Variants in SPRR2G observed in about 807,000 individuals in gnomAD.
SPRR2G encodes the protein small proline rich protein 2G, also known as small proline-rich protein 2G.
SPRR2G carries 1 observed loss-of-function variant against 0.7 expected under a neutral mutation model. That is an observed-to-expected ratio of 1.49 (90% CI 0.53 to 7.06). The LOEUF is 7.06. Among genes scored for constraint, SPRR2G ranks in the 30% most tolerant of loss-of-function variants. The pLI, the probability that SPRR2G is intolerant of heterozygous loss-of-function variation, is 0.14. For missense variants in SPRR2G, 96 were observed against 88.5 expected (o/e 1.09, Z -0.34); for synonymous variants, 38 against 33.9 (o/e 1.12, Z -0.42).
the SPRR2G span, among the ~76,000 whole-genome samples, chr1:153,163,955 A>G: frequency 2.0e-5 from 3 of 152,202 alleles, no homozygotes; most frequent in Non-Finnish European, 2.9e-5. Flanking sequence ...GTCATCTAAA[A>G]TACCCTCATA....
At chr1:153,192,519 T>A in the SPRR2G span, among the ~76,000 whole-genome samples, 3 of 152,124 alleles carry the variant, frequency 2.0e-5, no homozygotes, top group Admixed American at 6.5e-5. Context: ...AATTTTATAG[T>A]AGGATTGGGA....
the SPRR2G span, among the ~76,000 whole-genome samples, chr1:153,195,235 A>G: frequency 1.3e-5 from 2 of 152,116 alleles, no homozygotes; most frequent in Non-Finnish European, 2.9e-5. Context: ...ACCCTCTCCA[A>G]TCTCTTTCTT....
At chr1:153,171,348 T>C in the SPRR2G span, among the ~76,000 whole-genome samples, 1 of 152,160 alleles carries the variant, frequency 6.6e-6, no homozygotes. Context: ...ATTGAGCTAA[T>C]GGATTGCATA....
the SPRR2G span, among the ~76,000 whole-genome samples, chr1:153,178,663 T>C: frequency 6.6e-6 from 1 of 152,128 alleles, no homozygotes; most frequent in Admixed American, 6.6e-5. Context: ...AATATATTGC[T>C]AGACTCAATT....
At chr1:153,169,360 T>C in the SPRR2G span, among the ~76,000 whole-genome samples, 3 of 152,028 alleles carry the variant, frequency 2.0e-5, no homozygotes, top group African/African-American at 7.3e-5. Flanking sequence ...GGTCAGGAGA[T>C]CAAGATCATC....
upstream of SPRR2G, among the ~76,000 whole-genome samples, chr1:153,152,985 G>T (rs1285252887): frequency 1.3e-5 from 2 of 152,096 alleles, no homozygotes; most frequent in African/African-American, 2.4e-5. Flanking sequence ...TATAGAGAGA[G>T]AAAATAGCTA....
chr1:153,200,540 C>T, the SPRR2G span, among the ~76,000 whole-genome samples: 43 of 152,138 alleles, frequency 2.8e-4, no homozygotes, highest in Non-Finnish European at 5.9e-4. Context: ...GTAGGTTTTG[C>T]ACTTGCAAAT....
chr1:153,186,538 C>A, the SPRR2G span, among the ~76,000 whole-genome samples: 1 of 151,796 alleles, frequency 6.6e-6, no homozygotes, highest in African/African-American at 2.4e-5. Context: ...AATTGCAATC[C>A]CTGCTCTTTT....
upstream of SPRR2G, among the ~76,000 whole-genome samples, chr1:153,152,790 C>G (rs376168375): frequency 2.0e-5 from 3 of 152,166 alleles, no homozygotes; most frequent in African/African-American, 7.2e-5. Flanking sequence ...TGACTTAAAA[C>G]AGTTCTATCA....
the SPRR2G span, among the ~76,000 whole-genome samples, chr1:153,201,612 GCTGCACAAAGA>G: frequency 1.3e-5 from 2 of 152,168 alleles, no homozygotes; most frequent in Non-Finnish European, 2.9e-5. Context: ...AAAGGAGTGA[GCTGCACAAAGA>G]CTATGACTCT....
At chr1:153,179,775 C>G in the SPRR2G span, among the ~76,000 whole-genome samples, 1 of 152,212 alleles carries the variant, frequency 6.6e-6, no homozygotes, top group South Asian at 2.1e-4. Context: ...CTCACCTGAA[C>G]CACTGCAGAA....
At chr1:153,195,106 A>C in the SPRR2G span, among the ~76,000 whole-genome samples, 1 of 152,024 alleles carries the variant, frequency 6.6e-6, no homozygotes, top group East Asian at 1.9e-4. Context: ...CCTGCTCTGT[A>C]CCCCACAGCT....
the SPRR2G span, among the ~76,000 whole-genome samples, chr1:153,197,130 GA>G: frequency 7.3e-6 from 1 of 137,502 alleles, no homozygotes. Context: ...ACCAGGCAGA[GA>G]ATGTGTGTGT....
At chr1:153,182,389 T>C in the SPRR2G span, among the ~76,000 whole-genome samples, 20 of 152,008 alleles carry the variant, frequency 1.3e-4, no homozygotes, top group Non-Finnish European at 2.1e-4. Context: ...TTTTTTATTA[T>C]ACTTAAAGTT....
the SPRR2G span, among the ~76,000 whole-genome samples, chr1:153,197,131 AAT>A: frequency 2.9e-5 from 3 of 104,522 alleles, no homozygotes; most frequent in East Asian, 3.9e-4. Flanking sequence ...CCAGGCAGAG[AAT>A]GTGTGTGTGT....
rs1326249871 is a variant in SPRR2G at position 153,149,706 on chromosome 1, G to A, written c.*183C>T. On this transcript the variant is annotated 3_prime_UTR_variant, in exon 2 of 2. Coordinates refer to ENST00000368748, the MANE Select transcript of SPRR2G (RefSeq NM_001014291.4). ...AGCGAGATTAGGCAGTGATCTGGCT[G>A]CTCATCTTCCAACAACATATCGGTT... 1 of 743,658 alleles carries A rather than the reference G, an allele frequency of 1.3e-6. No individual in the cohort carries two copies. The highest frequency in any genetic ancestry group is 2.2e-6 in the Non-Finnish European group (1 of 453,784). The allele number at this position is 743,658 out of a possible 1,614,324, so 46.1% of individuals were successfully genotyped here.
chr1:153,163,805 G>A, the SPRR2G span, among the ~76,000 whole-genome samples: 3,360 of 152,160 alleles, frequency 0.022, 110 homozygotes, highest in East Asian at 0.11. Context: ...TTAACATTTC[G>A]ACCTAGATTA....
At chr1:153,183,316 A>G in the SPRR2G span, among the ~76,000 whole-genome samples, 1 of 151,478 alleles carries the variant, frequency 6.6e-6, no homozygotes, top group African/African-American at 2.4e-5. Flanking sequence ...CAAACTCCCA[A>G]CCTCAAGTGA....
At chr1:153,176,417 A>G in the SPRR2G span, 1 of 152,218 alleles carries the variant, frequency 6.6e-6, no homozygotes, top group African/African-American at 2.4e-5. Flanking sequence ...TGTCCTCAGA[A>G]GATCCCACTG....
Sources: allele counts gnomAD v4.1 joint callset (sites outside exome capture counted in the v4.1 genomes callset), GRCh38; gene constraint gnomAD v4.1.1; transcripts MANE v1.5; gene names NCBI Gene and HGNC (gene_info 2026-07-23, HGNC 2026-07-21).